ZNF565: variants seen among roughly 807,000 people sequenced by gnomAD.
ZNF565 encodes the protein zinc finger protein 565.
ZNF565 carries 27 observed loss-of-function variants against 39.4 expected under a neutral mutation model. The observed-to-expected ratio is 0.69, with a 90% CI of 0.51 to 0.95. ZNF565 has a LOEUF of 0.95. ZNF565 is among the 40% of genes least tolerant of loss of function. The probability of loss-of-function intolerance (pLI) is 0.00; values close to 1 mark genes in which losing one functional copy is unlikely to be tolerated. For synonymous variants in ZNF565, 185 were observed against 216.6 expected (o/e 0.85, Z 1.28); for missense variants, 524 against 621.1 (o/e 0.84, Z 1.66).
chr19:36,241,594 A>G (rs1354112671), intron 1 of ZNF565, among the ~76,000 whole-genome samples: 1 of 151,902 alleles, frequency 6.6e-6, no homozygotes, highest in African/African-American at 2.4e-5. Context: ...GGAGTTCAAG[A>G]TCAGCCTGGC....
chr19:36,204,914 G>A (rs1261739354), intron 1 of ZNF565, among the ~76,000 whole-genome samples: 1 of 152,124 alleles, frequency 6.6e-6, no homozygotes, highest in Non-Finnish European at 1.5e-5. Flanking sequence ...CTTGAACCTG[G>A]GAGGCGGAGG....
chr19:36,188,342 G>A (rs1975389693), intron 4 of ZNF565, among the ~76,000 whole-genome samples: 1 of 151,070 alleles, frequency 6.6e-6, no homozygotes, highest in Non-Finnish European at 1.5e-5. Flanking sequence ...GCGACAAAGT[G>A]AGACTCAAGG....
intron 1 of ZNF565, among the ~76,000 whole-genome samples, chr19:36,204,919 C>T (rs756359878): frequency 1.3e-4 from 20 of 152,018 alleles, no homozygotes; most frequent in Non-Finnish European, 2.4e-4. Context: ...ACCTGGGAGG[C>T]GGAGGTTGCA....
chr19:36,228,272 CTT>C (rs1977169761), intron 1 of ZNF565, among the ~76,000 whole-genome samples: 3 of 20,810 alleles, frequency 1.4e-4, no homozygotes, highest in East Asian at 2.7e-3. Context: ...AGAACAACTT[CTT>C]CACATTGTGC....
rs1192972619 is a variant in ZNF565 at position 36,245,905 on chromosome 19, CGAGA to C, written c.-379_-376del. 1 of 238,254 alleles carries C rather than the reference CGAGA, an allele frequency of 4.2e-6. No homozygotes were observed. The highest frequency in any genetic ancestry group is 1.1e-4 in the East Asian group (1 of 9,504). The allele number at this position is 238,254 out of a possible 1,614,324, so 14.8% of individuals were successfully genotyped here. On this transcript the variant is annotated 5_prime_UTR_variant, in exon 1 of 5. Coordinates refer to the ZNF565 transcript ENST00000355114. The surrounding 1 kb of genome is among the most constrained non-coding windows in gnomAD (Gnocchi z 4.4). The stretch of plus-strand genomic sequence containing the variant: ...GCGGAACCCGACCGGGATCGCCCCG[CGAGA>C]TGCAGTCGTTGAGGGAGTCAGGAGC...
intron 1 of ZNF565, among the ~76,000 whole-genome samples, chr19:36,234,695 C>T (rs1037670848): frequency 6.6e-6 from 1 of 152,178 alleles, no homozygotes; most frequent in Non-Finnish European, 1.5e-5. Context: ...CTGCGCCCGG[C>T]CAGCCAGCAT....
At chr19:36,238,316 G>A (rs1977718944) in intron 1 of ZNF565, 2 of 167,068 alleles carry the variant, frequency 1.2e-5, no homozygotes, top group South Asian at 2.1e-4. Flanking sequence ...ATATATGTAT[G>A]TACATGTTTT....
rs142335068 is a variant in ZNF565, at chr19:36,211,801, C to CA, written c.-66+2820dup. Among the ~76,000 whole-genome samples the CA allele has an allele frequency of 3.4e-3, 467 of 136,712 alleles. 3 individuals carry two copies. Among genetic ancestry groups the CA allele is most frequent in the African/African-American group, 0.01 (364 of 36,270 alleles). The allele number at this position is 136,712 out of a possible 152,430, so 89.7% of individuals were successfully genotyped here. On this transcript the variant is annotated intron_variant, in intron 1 of 4. Transcript: ENST00000304116. ...GAGCAAGACTCTGTCTCAAAAAAAACAAAAAAAAAAAGAAGAAAAAATAAA... is the reference window on the plus strand; with the variant it reads ...GAGCAAGACTCTGTCTCAAAAAAAACAAAAAAAAAAAAGAAGAAAAAATAAA...
chr19:36,210,714 T>C (rs1303179487), intron 1 of ZNF565, among the ~76,000 whole-genome samples: 6 of 150,102 alleles, frequency 4.0e-5, no homozygotes, highest in Admixed American at 6.7e-5. Flanking sequence ...AACCTCCGCC[T>C]CCCGGGCTCA....
chr19:36,191,091 A>G (rs1356131168), intron 4 of ZNF565, among the ~76,000 whole-genome samples: 1 of 150,378 alleles, frequency 6.6e-6, no homozygotes, highest in Admixed American at 6.7e-5. Flanking sequence ...TCTCTACAGC[A>G]TATTCTTTTT....
At chr19:36,239,082 C>CT (rs1282659740) in intron 1 of ZNF565, among the ~76,000 whole-genome samples, 6 of 152,186 alleles carry the variant, frequency 3.9e-5, no homozygotes, top group African/African-American at 1.4e-4. Flanking sequence ...GAAAAATTGT[C>CT]TTCCATGAAA....
intron 4 of ZNF565, among the ~76,000 whole-genome samples, chr19:36,191,310 CTTTCTTTT>C (rs920394977): frequency 7.1e-6 from 1 of 140,404 alleles, no homozygotes; most frequent in African/African-American, 2.6e-5. Flanking sequence ...TACCATTTTT[CTTTCTTTT>C]TTTTTTTTTT....
In ZNF565 at chr19:36,195,035, G is replaced by A. The variant is rs139967939; in HGVS notation, c.131C>T (p.Ser44Leu). 2 of 1,614,082 alleles carry A rather than the reference G, an allele frequency of 1.2e-6. No homozygotes were observed. Among genetic ancestry groups the A allele is most frequent in the African/African-American group, 1.3e-5 (1 of 75,026 alleles). Residue 44 changes from serine to leucine, a missense_variant, in exon 3 of 5, where the codon TCA becomes TTA. Transcript: ENST00000304116. ...GTGTGATACAATCTCCTTACCTAGT[G>A]AGGCCAAGTGACCAAAGTTCTCCAG... ...VTLENFGHLA[S>L]LGLSISKPDV...
At position 36,183,691 on chromosome 19, in the gene ZNF565, A is replaced by C. The variant is rs1157454159; in HGVS notation, c.275T>G (p.Phe92Cys). The C allele has an allele frequency of 2.5e-6, 4 of 1,612,646 alleles. No homozygotes were observed. ...RCEKFLQKDI[F>C]EIGAFNWEIM... The stretch of plus-strand genomic sequence containing the variant: ...CTCCCAGTTGAATGCCCCGATTTCA[A>C]AAATGTCTTTTTGTAGAAATTTCTC... The change falls in exon 5 of 5, where the codon TTT (phenylalanine) becomes TGT (cysteine). Residue 92 changes from phenylalanine (F) to cysteine (C), a missense_variant. Transcript: ENST00000304116.
chr19:36,223,555 G>A (rs1364274687), intron 1 of ZNF565, among the ~76,000 whole-genome samples: 1 of 151,870 alleles, frequency 6.6e-6, no homozygotes, highest in African/African-American at 2.4e-5. Context: ...AGTAGAGACG[G>A]GGTTTCACCA....
intron 1 of ZNF565, among the ~76,000 whole-genome samples, chr19:36,231,091 ACACGCGTAAACGTGAC>A (rs1490036248): frequency 2.0e-5 from 3 of 152,184 alleles, no homozygotes; most frequent in African/African-American, 7.2e-5. Flanking sequence ...GATATACGTG[ACACGCGTAAACGTGAC>A]CACAACTGAC....
At chr19:36,188,650 T>G (rs1975406955) in intron 4 of ZNF565, among the ~76,000 whole-genome samples, 1 of 149,246 alleles carries the variant, frequency 6.7e-6, no homozygotes, top group South Asian at 2.1e-4. Context: ...AGGTGGAGGT[T>G]GCAGTGAGCT....
intron 4 of ZNF565, among the ~76,000 whole-genome samples, chr19:36,191,646 C>T (rs150786330): frequency 9.5e-4 from 145 of 152,274 alleles, no homozygotes; most frequent in African/African-American, 3.3e-3. Flanking sequence ...GTAGTGACTA[C>T]AGCCCATAGA....
intron 1 of ZNF565, among the ~76,000 whole-genome samples, chr19:36,207,033 CA>C (rs1245983689): frequency 2.0e-5 from 3 of 151,992 alleles, no homozygotes; most frequent in African/African-American, 7.3e-5. Flanking sequence ...GCGGCAATTG[CA>C]AGGGTCTGAA....
Sources: allele counts gnomAD v4.1 joint callset (sites outside exome capture counted in the v4.1 genomes callset), GRCh38; gene constraint gnomAD v4.1.1; non-coding constraint Gnocchi (gnomAD v3.1); transcripts MANE v1.5; gene names NCBI Gene and HGNC (gene_info 2026-07-23, HGNC 2026-07-21).